Variants in COL4A2 observed in about 807,000 individuals in gnomAD.
The protein encoded by COL4A2 is collagen type IV alpha 2 chain.
Under a neutral mutation model 200.2 loss-of-function variants are expected in COL4A2, and 99 were observed. That is an observed-to-expected ratio of 0.49 (90% CI 0.42 to 0.58). The LOEUF (loss-of-function observed/expected upper bound fraction) is 0.58. Ranked by LOEUF, COL4A2 falls within the 20% of genes least tolerant of loss-of-function variation. The pLI is 0.00. For synonymous variants in COL4A2, 897 were observed against 900.6 expected (o/e 1.00, Z 0.07); for missense variants, 1,950 against 2,314.1 (o/e 0.84, Z 3.23).
At chr13:110,428,400 A>G (rs1189341456) in intron 6 of COL4A2, 67 bp from the exon 7 acceptor site, 4 of 919,842 alleles carry the variant, frequency 4.3e-6, no homozygotes, top group Non-Finnish European at 6.8e-6. Context: ...AGACTGTTTT[A>G]TCTCACAGTT....
chr13:110,425,492 G>C (rs1053931678), intron 6 of COL4A2, among the ~76,000 whole-genome samples: 1 of 152,144 alleles, frequency 6.6e-6, no homozygotes, highest in Non-Finnish European at 1.5e-5. Flanking sequence ...TTATAACCTA[G>C]TTTACTTTAC....
At chr13:110,443,722 G>A (rs1255353027) in intron 16 of COL4A2, among the ~76,000 whole-genome samples, 3 of 152,148 alleles carry the variant, frequency 2.0e-5, no homozygotes, top group Non-Finnish European at 4.4e-5. Flanking sequence ...CTTGCTAGCA[G>A]GAGTACAGAC....
chr13:110,403,610 A>G (rs975994515), intron 4 of COL4A2, among the ~76,000 whole-genome samples: 1 of 152,194 alleles, frequency 6.6e-6, no homozygotes, highest in African/African-American at 2.4e-5. Context: ...CTTTCTCTAC[A>G]GCCCCCCTCT....
rs760487331 is a variant in COL4A2 at position 110,428,494 on chromosome 13, G to A, written c.388G>A (p.Gly130Arg). ...ACACCCGGGGCAAGGTGGGCCCAGG[G>A]GAAGGCCGGGCTACGATGGCTGCAA... ...PGHPGQGGPR[G>R]RPGYDGCNGT... The change falls in exon 7 of 48, where the codon GGA (glycine) becomes AGA (arginine). Residue 130 changes from glycine to arginine, a missense_variant. Around this residue, in one of 2 missense-constraint regions of COL4A2, gnomAD observed 565 missense variants for 593.5 expected, o/e 0.95. Coordinates refer to ENST00000360467, the MANE Select transcript of COL4A2 (RefSeq NM_001846.4). 2 of 1,584,606 alleles carry A rather than the reference G, an allele frequency of 1.3e-6. No homozygotes were observed. Among genetic ancestry groups the A allele is most frequent in the South Asian group, 1.1e-5 (1 of 87,208 alleles).
At chr13:110,509,260 TATATATATATAC>T (rs1359943856) in intron 47 of COL4A2, among the ~76,000 whole-genome samples, 52 of 122,320 alleles carry the variant, frequency 4.3e-4, no homozygotes, top group African/African-American at 1.7e-3. Context: ...TATATATATA[TATATATATATAC>T]ACACACACAC....
intron 26 of COL4A2, among the ~76,000 whole-genome samples, chr13:110,466,648 T>C (rs369278273): frequency 2.1e-4 from 32 of 152,224 alleles, no homozygotes; most frequent in African/African-American, 7.7e-4. Context: ...TAATTCATTT[T>C]GAAATCGCAG....
At chr13:110,460,876 C>T (rs555723805) in intron 22 of COL4A2, among the ~76,000 whole-genome samples, 1 of 152,226 alleles carries the variant, frequency 6.6e-6, no homozygotes, top group Non-Finnish European at 1.5e-5. Context: ...GAGGAACTCT[C>T]CTAGATTCTA....
chr13:110,474,279 A>AT (rs1882592080), intron 29 of COL4A2, among the ~76,000 whole-genome samples: 1 of 152,174 alleles, frequency 6.6e-6, no homozygotes, highest in East Asian at 1.9e-4. Context: ...CGCTCCCCTG[A>AT]TTCTGCCATC....
In COL4A2 at chr13:110,432,313, G is replaced by T; in HGVS notation, c.649-12G>T. ...AAGAAAACCATTTACACATTTCTTT[G>T]TATTTGTACAGGGACCACCTGGACC... On this transcript the variant is annotated splice_polypyrimidine_tract_variant and intron_variant, in intron 10 of 47. Coordinates refer to ENST00000360467, the MANE Select transcript of COL4A2 (RefSeq NM_001846.4). The T allele has an allele frequency of 6.2e-7, 1 of 1,603,244 alleles. No individual in the cohort carries two copies. Among genetic ancestry groups the T allele is most frequent in the Non-Finnish European group, 8.5e-7 (1 of 1,176,420 alleles).
chr13:110,312,322 G>T (rs146160184), intron 3 of COL4A2, among the ~76,000 whole-genome samples: 1,649 of 152,302 alleles, frequency 0.011, 32 homozygotes, highest in African/African-American at 0.038. Context: ...GAGGAAACAG[G>T]CTCTGTACGA....
At chr13:110,438,805 C>CG (rs1881006845) in intron 15 of COL4A2, 137 bp downstream of exon 15, 7 of 669,610 alleles carry the variant, frequency 1.0e-5, no homozygotes, top group African/African-American at 5.4e-5. Context: ...ACTCCCCACC[C>CG]CCCCCCACAC....
intron 4 of COL4A2, among the ~76,000 whole-genome samples, chr13:110,378,529 G>C (rs760924074): frequency 2.6e-5 from 4 of 152,150 alleles, no homozygotes; most frequent in Non-Finnish European, 4.4e-5. Flanking sequence ...AAAGATTCTG[G>C]AATTACAGCC....
chr13:110,461,646 G>A (rs1217257779), intron 22 of COL4A2, among the ~76,000 whole-genome samples: 5 of 152,010 alleles, frequency 3.3e-5, no homozygotes, highest in Admixed American at 1.3e-4. Flanking sequence ...TCAGCCTCCC[G>A]AGTAGCTGGG....
intron 4 of COL4A2, among the ~76,000 whole-genome samples, chr13:110,364,102 A>G (rs886635098): frequency 3.9e-5 from 6 of 152,230 alleles, no homozygotes; most frequent in Non-Finnish European, 8.8e-5. Flanking sequence ...CCAGACAGAT[A>G]CTTTTAAACG....
intron 10 of COL4A2, among the ~76,000 whole-genome samples, chr13:110,431,969 T>TG (rs1880697191): frequency 6.6e-6 from 1 of 152,262 alleles, no homozygotes; most frequent in East Asian, 1.9e-4. Flanking sequence ...TGGAGTCTCG[T>TG]GGGGACTCCC....
intron 4 of COL4A2, among the ~76,000 whole-genome samples, chr13:110,417,058 G>A (rs1160822289): frequency 6.6e-6 from 1 of 150,730 alleles, no homozygotes; most frequent in African/African-American, 2.5e-5. Context: ...TTGGCTCACT[G>A]CAAGCTCCGC....
At chr13:110,344,077 C>T (rs895292093) in intron 3 of COL4A2, among the ~76,000 whole-genome samples, 4 of 151,890 alleles carry the variant, frequency 2.6e-5, no homozygotes, top group African/African-American at 4.8e-5. Flanking sequence ...GATGATGTCT[C>T]GGTGAACTCT....
intron 3 of COL4A2, among the ~76,000 whole-genome samples, chr13:110,322,560 G>A (rs774750523): frequency 3.0e-4 from 45 of 152,346 alleles, no homozygotes; most frequent in Non-Finnish European, 4.3e-4. Context: ...GGGGAACCCC[G>A]GGAGGGGCTG....
intron 47 of COL4A2, among the ~76,000 whole-genome samples, chr13:110,509,401 T>A (rs1237609617): frequency 6.6e-6 from 1 of 151,826 alleles, no homozygotes; most frequent in East Asian, 1.9e-4. Context: ...TATTGGCATT[T>A]TAATAGGTAT....
Sources: allele counts gnomAD v4.1 joint callset (sites outside exome capture counted in the v4.1 genomes callset), GRCh38; gene constraint gnomAD v4.1.1; regional missense constraint gnomAD v4.1.1; transcripts MANE v1.5; gene names NCBI Gene and HGNC (gene_info 2026-07-23, HGNC 2026-07-21).